The following ASPH variants were observed in gnomAD, a reference collection of about 807,000 sequenced individuals.
ASPH encodes the protein aspartyl/asparaginyl beta-hydroxylase.
A neutral mutation model predicts 118.4 loss-of-function variants in ASPH; 100 were observed. That is an observed-to-expected ratio of 0.84 (90% confidence interval 0.72 to 1.00). The LOEUF (loss-of-function observed/expected upper bound fraction) is 1.00, where lower values mean the gene tolerates loss of function less well. ASPH is among the 50% of genes least tolerant of loss of function. The probability of loss-of-function intolerance (pLI) is 0.00; values close to 1 mark genes in which losing one functional copy is unlikely to be tolerated. For synonymous variants in ASPH, 315 were observed against 325.6 expected, an observed-to-expected ratio of 0.97 and a Z score of 0.35; for missense variants, 920 against 919.5, an observed-to-expected ratio of 1.00 and a Z score of -0.01.
chr8:61,533,865 T>C (rs1236950000), intron 21 of ASPH, among the ~76,000 whole-genome samples: 1 of 152,222 alleles, frequency 6.6e-6, no homozygotes, highest in African/African-American at 2.4e-5. Context: ...ATTTGTGCCA[T>C]TTTATTCTTG....
intron 13 of ASPH, chr8:61,624,760 C>G (rs929493429): frequency 1.0e-6 from 1 of 985,676 alleles, no homozygotes; most frequent in Middle Eastern, 5.2e-4. Flanking sequence ...ACTCATTCAT[C>G]AGTTCTATGT....
At chr8:61,608,620 T>C (rs1373518677) in intron 14 of ASPH, among the ~76,000 whole-genome samples, 1 of 152,234 alleles carries the variant, frequency 6.6e-6, no homozygotes, top group Admixed American at 6.5e-5. Context: ...CAAAAAATGA[T>C]TTCTGAATCA....
At chr8:61,554,081 C>G (rs1020210725) in intron 19 of ASPH, among the ~76,000 whole-genome samples, 1 of 152,230 alleles carries the variant, frequency 6.6e-6, no homozygotes, top group Non-Finnish European at 1.5e-5. Context: ...TTCCCTATCT[C>G]TGAAGCAGGC....
At chr8:61,610,596 GT>G (rs915129796) in intron 14 of ASPH, among the ~76,000 whole-genome samples, 7 of 152,216 alleles carry the variant, frequency 4.6e-5, no homozygotes, top group Non-Finnish European at 7.3e-5. Flanking sequence ...TTTAAGAGCA[GT>G]TATCTCATAA....
chr8:61,503,554 T>C, intron 24 of ASPH, 45 bp from the exon 25 acceptor site: 1 of 1,542,022 alleles, frequency 6.5e-7, no homozygotes, highest in Non-Finnish European at 8.8e-7. Context: ...TTTGTGTGGT[T>C]CAGATGTCTG....
At chr8:61,592,546 C>T (rs1020570431) in intron 14 of ASPH, among the ~76,000 whole-genome samples, 3 of 152,076 alleles carry the variant, frequency 2.0e-5, no homozygotes, top group Non-Finnish European at 4.4e-5. Context: ...TTAAATACTG[C>T]TTTTGGCTAT....
intron 24 of ASPH, among the ~76,000 whole-genome samples, chr8:61,509,667 C>G (rs565569599): frequency 6.6e-6 from 1 of 152,156 alleles, no homozygotes. Context: ...TTACCCAGCC[C>G]CTATTCAAGA....
chr8:61,703,566 T>C (rs1835775760), intron 1 of ASPH, among the ~76,000 whole-genome samples: 2 of 151,346 alleles, frequency 1.3e-5, no homozygotes, highest in South Asian at 4.2e-4. Flanking sequence ...AACAGAAAAA[T>C]GCGTAAAAAG....
At position 61,583,986 on chromosome 8, in the gene ASPH, A is replaced by G. The variant is rs149828220; in HGVS notation, c.1020T>C (p.Thr340=). The change falls in exon 15 of 25, where the codon ACT becomes ACC. Residue 340 remains threonine (T), a synonymous_variant. Transcript: ENST00000379454. ...KPKLLNKFDK[T]IKAELDAAEK... ...CTGCAGCATCAAGTTCAGCTTTAAT[A>G]GTCTTATCAAATTTATTTAAAAGTT... The G allele has an allele frequency of 1.3e-3, 2,046 of 1,583,626 alleles. 4 individuals are homozygous for G. The highest frequency in any genetic ancestry group is 1.5e-3 in the Non-Finnish European group (1,718 of 1,164,686).
At chr8:61,663,458 T>C (rs115216775) in intron 3 of ASPH, 43 of 985,208 alleles carry the variant, frequency 4.4e-5, no homozygotes, top group Non-Finnish European at 5.1e-5. Flanking sequence ...AGTGGTAGCA[T>C]CTCCAAATAG....
At chr8:61,703,999 T>TC (rs1835884055) in intron 1 of ASPH, among the ~76,000 whole-genome samples, 1 of 151,196 alleles carries the variant, frequency 6.6e-6, no homozygotes, top group African/African-American at 2.4e-5. Flanking sequence ...ATCGAGACCA[T>TC]CCCGGCTAAA....
intron 1 of ASPH, among the ~76,000 whole-genome samples, chr8:61,685,194 T>C (rs1829972017): frequency 6.6e-6 from 1 of 152,140 alleles, no homozygotes; most frequent in Non-Finnish European, 1.5e-5. Flanking sequence ...TTTCATCCTG[T>C]GCACCTGTTC....
chr8:61,574,210 G>A (rs1477320873), intron 16 of ASPH, among the ~76,000 whole-genome samples: 1 of 152,222 alleles, frequency 6.6e-6, no homozygotes, highest in African/African-American at 2.4e-5. Flanking sequence ...AGATTATAGA[G>A]AAGATGTGGA....
rs143133818 is a variant in ASPH at position 61,582,014 on chromosome 8, G to A, written c.1062+1930C>T. 5.0e-3 allele frequency among the ~76,000 whole-genome samples: 762 copies of A among 152,306 alleles called. 9 individuals are homozygous for A. The highest frequency in any genetic ancestry group is 0.017 in the African/African-American group (723 of 41,564). The stretch of plus-strand genomic sequence containing the variant: ...ACTGAGGCTGCACTGGCTCTGTGTG[G>A]AGTGTGTGTTAGTTGGCCTCGGCTG... On this transcript the variant is annotated intron_variant, in intron 15 of 24. Transcript: ENST00000379454.
chr8:61,580,744 T>C (rs1837255517), intron 15 of ASPH, among the ~76,000 whole-genome samples: 2 of 152,364 alleles, frequency 1.3e-5, no homozygotes, highest in East Asian at 3.9e-4. Context: ...TGTGCTACTT[T>C]TTATTTTGTC....
Position 61,689,754 on chromosome 8 carries a change from A to T in ASPH, c.104-5566T>A, listed in dbSNP as rs1031195148. 2.6e-6 allele frequency: 4 copies of T among 1,536,960 alleles called. No individual in the cohort carries two copies. The African/African-American group carries it at 5.6e-5, about 22-fold the overall frequency. Reference sequence around the variant, plus strand: ...AACAAAACAAAAAAAAAAACTCAAAAGTACTGCTGGCAGGTTTTAGGCACA... The same window carrying T: ...AACAAAACAAAAAAAAAAACTCAAATGTACTGCTGGCAGGTTTTAGGCACA... On this transcript the variant is annotated intron_variant, in intron 1 of 24. Coordinates refer to ENST00000379454, the MANE Select transcript of ASPH (RefSeq NM_004318.4).
intron 3 of ASPH, chr8:61,663,652 C>A (rs1422592151): frequency 1.0e-6 from 1 of 984,962 alleles, no homozygotes; most frequent in Non-Finnish European, 1.2e-6. Context: ...GTAAAAATGG[C>A]AAAATCCTGA....
chr8:61,644,638 A>G lies in ASPH; in HGVS notation c.620-6T>C, dbSNP rs773845530. On this transcript the variant is annotated splice_region_variant and splice_polypyrimidine_tract_variant and intron_variant, in intron 6 of 24. Coordinates refer to ENST00000379454, the MANE Select transcript of ASPH (RefSeq NM_004318.4). Reference sequence around the variant, plus strand: ...GTGGTAACTATGCTCGGTTTCTGGAAAAAAAAAAATTAGATTGATATTTAC... The same window carrying G: ...GTGGTAACTATGCTCGGTTTCTGGAGAAAAAAAAATTAGATTGATATTTAC... 2.6e-6 allele frequency: 4 copies of G among 1,565,702 alleles called. No individual in the cohort carries two copies. The East Asian group carries it at 9.3e-5, about 36-fold the overall frequency.
At chr8:61,668,259 TAC>T in intron 3 of ASPH, 1 of 1,609,744 alleles carries the variant, frequency 6.2e-7, no homozygotes, top group Non-Finnish European at 8.5e-7. Flanking sequence ...TTCTCTTGGC[TAC>T]CCCACTGGGT....
Sources: allele counts gnomAD v4.1 joint callset (sites outside exome capture counted in the v4.1 genomes callset), GRCh38; gene constraint gnomAD v4.1.1; transcripts MANE v1.5; gene names NCBI Gene and HGNC (gene_info 2026-07-23, HGNC 2026-07-21).